LTBP1: variants seen among roughly 807,000 people sequenced by gnomAD.
LTBP1 encodes the protein latent transforming growth factor beta binding protein 1, also known as latent-transforming growth factor beta-binding protein 1.
A neutral mutation model predicts 207.6 loss-of-function variants in LTBP1; 129 were observed. That is an observed-to-expected ratio of 0.62 (90% CI 0.54 to 0.72). The LOEUF is 0.72. LTBP1 is among the 30% of genes least tolerant of loss of function. LTBP1 has a pLI of 0.00. For synonymous variants in LTBP1, 963 were observed against 833.7 expected, an observed-to-expected ratio of 1.16 and a Z score of -2.67; for missense variants, 2,281 against 2,217.2, an observed-to-expected ratio of 1.03 and a Z score of -0.58.
Position 33,398,959 on chromosome 2 carries a change from A to C in LTBP1, c.*414A>C, listed in dbSNP as rs2095383179. 6.5e-6 allele frequency: 1 copy of C among 152,834 alleles called. No individual in the cohort carries two copies. The highest frequency in any genetic ancestry group is 1.5e-5 in the Non-Finnish European group (1 of 68,400). 9.5% of individuals were successfully genotyped at this position (152,834 alleles called of 1,614,324 possible). ...TTGGCTACTGTTTTTCTTTTACTTC[A>C]GTTTTTTAAAAATCTCAAATGAAAA... On this transcript the variant is annotated 3_prime_UTR_variant, in exon 34 of 34. Coordinates refer to ENST00000404816, the MANE Select transcript of LTBP1 (RefSeq NM_206943.4).
chr2:33,204,364 C>T (rs1244670243), intron 7 of LTBP1, among the ~76,000 whole-genome samples: 1 of 152,150 alleles, frequency 6.6e-6, no homozygotes, highest in Admixed American at 6.5e-5. Context: ...ACAAGATTTG[C>T]CACCGTTGAG....
chr2:33,192,498 G>GT (rs777267277), intron 7 of LTBP1, among the ~76,000 whole-genome samples: 3 of 151,384 alleles, frequency 2.0e-5, no homozygotes, highest in Non-Finnish European at 2.9e-5. Context: ...CATTGACAAC[G>GT]TAGGGCATTG....
chr2:33,124,781 A>G (rs2081339671), intron 4 of LTBP1, among the ~76,000 whole-genome samples: 1 of 152,214 alleles, frequency 6.6e-6, no homozygotes, highest in African/African-American at 2.4e-5. Flanking sequence ...ACAGCCTATA[A>G]ATTATATCCA....
chr2:32,948,204 A>G (rs1217881018), intron 1 of LTBP1, among the ~76,000 whole-genome samples: 1 of 152,172 alleles, frequency 6.6e-6, no homozygotes, highest in Non-Finnish European at 1.5e-5. Flanking sequence ...GGTCTAGCTA[A>G]TGAAAAAAAT....
chr2:33,262,898 T>C, intron 14 of LTBP1, 77 bp downstream of exon 14: 2 of 984,246 alleles, frequency 2.0e-6, no homozygotes, highest in South Asian at 1.7e-5. Context: ...TGTCTTTGAC[T>C]TTGTGTAGTA....
chr2:33,091,492 G>A (rs1463223158), intron 3 of LTBP1, among the ~76,000 whole-genome samples: 2 of 152,104 alleles, frequency 1.3e-5, no homozygotes, highest in African/African-American at 4.8e-5. Flanking sequence ...GGCGGTCCAA[G>A]GTCAACATCT....
intron 2 of LTBP1, among the ~76,000 whole-genome samples, chr2:32,985,284 T>A (rs1683377656): frequency 6.6e-6 from 1 of 151,634 alleles, no homozygotes; most frequent in Admixed American, 6.6e-5. Context: ...GAGCTCTTGA[T>A]GTTGCCAGGC....
chr2:33,165,183 C>T (rs2084813180), intron 5 of LTBP1, among the ~76,000 whole-genome samples: 1 of 152,104 alleles, frequency 6.6e-6, no homozygotes, highest in African/African-American at 2.4e-5. Flanking sequence ...GAATGTCCCT[C>T]CTGGCTATGG....
intron 3 of LTBP1, among the ~76,000 whole-genome samples, chr2:33,031,594 G>A (rs567912502): frequency 4.7e-4 from 71 of 152,268 alleles, no homozygotes; most frequent in African/African-American, 1.6e-3. Flanking sequence ...AGATTGGCAG[G>A]GGCTGGAGGA....
intron 5 of LTBP1, among the ~76,000 whole-genome samples, chr2:33,168,685 GA>G (rs370025246): frequency 4.6e-4 from 67 of 146,376 alleles, no homozygotes; most frequent in Admixed American, 8.2e-4. Context: ...CATGTTAAAA[GA>G]AAAAAAAAAG....
intron 5 of LTBP1, among the ~76,000 whole-genome samples, chr2:33,135,200 G>A (rs566484212): frequency 3.4e-4 from 52 of 152,312 alleles, no homozygotes; most frequent in African/African-American, 1.1e-3. Context: ...CATTTACACA[G>A]CCATGTGGTA....
At chr2:33,182,159 T>C (rs2086706925) in intron 5 of LTBP1, among the ~76,000 whole-genome samples, 1 of 152,122 alleles carries the variant, frequency 6.6e-6, no homozygotes, top group South Asian at 2.1e-4. Flanking sequence ...ATTTCCTTTA[T>C]AACCAGAGAG....
At chr2:33,042,061 C>T (rs747126508) in intron 3 of LTBP1, among the ~76,000 whole-genome samples, 1 of 152,156 alleles carries the variant, frequency 6.6e-6, no homozygotes, top group Non-Finnish European at 1.5e-5. Flanking sequence ...AGTCGTAGCT[C>T]ATTGGGCTTT....
chr2:33,122,642 A>T (rs1350300956), intron 4 of LTBP1, among the ~76,000 whole-genome samples: 3 of 152,250 alleles, frequency 2.0e-5, no homozygotes, highest in African/African-American at 7.2e-5. Flanking sequence ...GAAGTAGCCA[A>T]TCCTACCACG....
intron 9 of LTBP1, among the ~76,000 whole-genome samples, chr2:33,237,914 C>T (rs1380426314): frequency 6.6e-6 from 1 of 152,168 alleles, no homozygotes; most frequent in Non-Finnish European, 1.5e-5. Context: ...CAAAAAGAAA[C>T]ATCTGAAGGC....
chr2:33,028,909 C>T (rs2075558274), intron 3 of LTBP1, among the ~76,000 whole-genome samples: 1 of 152,192 alleles, frequency 6.6e-6, no homozygotes, highest in Non-Finnish European at 1.5e-5. Context: ...GGGAAAATTA[C>T]TGAAACTGGT....
intron 19 of LTBP1, among the ~76,000 whole-genome samples, chr2:33,290,771 TAAAG>T (rs886728444): frequency 3.8e-4 from 58 of 152,158 alleles, no homozygotes; most frequent in African/African-American, 1.2e-3. Flanking sequence ...AAAAATAACA[TAAAG>T]AAAAGACAGA....
chr2:33,215,258 T>C (rs1018472814), intron 7 of LTBP1, among the ~76,000 whole-genome samples: 1 of 152,168 alleles, frequency 6.6e-6, no homozygotes, highest in African/African-American at 2.4e-5. Flanking sequence ...AGGAGAAAGA[T>C]ACTATTATGC....
At chr2:32,973,764 G>A (rs904509238) in intron 2 of LTBP1, among the ~76,000 whole-genome samples, 2 of 151,948 alleles carry the variant, frequency 1.3e-5, no homozygotes, top group Non-Finnish European at 1.5e-5. Flanking sequence ...CTCAGCCTCT[G>A]GTGACCATCC....
Sources: allele counts gnomAD v4.1 joint callset (sites outside exome capture counted in the v4.1 genomes callset), GRCh38; gene constraint gnomAD v4.1.1; transcripts MANE v1.5; gene names NCBI Gene and HGNC (gene_info 2026-07-23, HGNC 2026-07-21).